MAOA: variants seen among roughly 807,000 people sequenced by gnomAD.
The protein encoded by MAOA is monoamine oxidase A.
In MAOA, 6 loss-of-function variants were observed where a neutral mutation model predicts 42.0. The observed-to-expected ratio is 0.14, with a 90% CI of 0.08 to 0.28. The LOEUF is 0.28. Ranked by LOEUF, MAOA falls within the 10% of genes least tolerant of loss-of-function variation. MAOA has a pLI of 1.00. For missense variants in MAOA, 262 were observed against 422.3 expected (o/e 0.62, Z 3.33); for synonymous variants, 140 against 154.0 (o/e 0.91, Z 0.67).
intron 1 of MAOA, among the ~76,000 whole-genome samples, chrX:43,672,930 A>T (rs1224077458): frequency 9.0e-6 from 1 of 111,306 alleles, no homozygotes; most frequent in Non-Finnish European, 1.9e-5. Flanking sequence ...CCCGGCTTTG[A>T]TATCAGGATG....
intron 2 of MAOA, among the ~76,000 whole-genome samples, chrX:43,686,655 C>T (rs1474482122): frequency 2.7e-5 from 3 of 110,766 alleles, no homozygotes; most frequent in Non-Finnish European, 5.7e-5. Context: ...AAAAAGTAGC[C>T]AGGTGCAGTG....
chrX:43,694,003 T>C (rs909033399), intron 3 of MAOA, among the ~76,000 whole-genome samples: 3 of 111,918 alleles, frequency 2.7e-5, no homozygotes, highest in Non-Finnish European at 5.6e-5. Context: ...AGCTTGTTTG[T>C]GCAGTTTCCT....
At chrX:43,658,471 C>T (rs2033205474) in intron 1 of MAOA, among the ~76,000 whole-genome samples, 1 of 111,867 alleles carries the variant, frequency 8.9e-6, no homozygotes, top group South Asian at 3.7e-4. Context: ...CAGTTTCATA[C>T]TCAGTCCTGT....
intron 1 of MAOA, among the ~76,000 whole-genome samples, chrX:43,658,801 G>A (rs775492316): frequency 8.9e-6 from 1 of 111,930 alleles, no homozygotes; most frequent in Admixed American, 9.5e-5. Flanking sequence ...TAAAATGAAA[G>A]TAGTTGCAAG....
At chrX:43,667,124 G>A (rs190121867) in intron 1 of MAOA, among the ~76,000 whole-genome samples, 409 of 110,164 alleles carry the variant, frequency 3.7e-3, no homozygotes, top group Middle Eastern at 4.8e-3. Context: ...ATGTACCCTA[G>A]AACTTAAAGT....
At chrX:43,701,659 A>T (rs1346241261) in intron 3 of MAOA, among the ~76,000 whole-genome samples, 1 of 111,974 alleles carries the variant, frequency 8.9e-6, no homozygotes, top group African/African-American at 3.2e-5. Flanking sequence ...AAAGGGGGTT[A>T]AGTCAGACAC....
Position 43,744,940 on chromosome X carries a change from C to A in MAOA, c.*427C>A, listed in dbSNP as rs2033988438. On this transcript the variant is annotated 3_prime_UTR_variant, in exon 15 of 15. Coordinates refer to ENST00000338702, the MANE Select transcript of MAOA (RefSeq NM_000240.4). ...AGCCTGTAACTGTCCTTTTTCTTCC[C>A]TTAGGCAATGGTGAACTGTCATTAC... 2 of 211,474 alleles carry A rather than the reference C, an allele frequency of 9.5e-6. No homozygotes were observed. Among genetic ancestry groups the A allele is most frequent in the South Asian group, 1.4e-4 (2 of 14,549 alleles). The allele number at this position is 211,474 out of a possible 1,213,427, so 17.4% of individuals were successfully genotyped here. A position where few individuals can be genotyped will look rare whatever the true frequency, so the allele number is the denominator to read the frequency against.
intron 11 of MAOA, 39 bp downstream of exon 11, chrX:43,740,777 TC>T (rs1250408034): frequency 8.9e-7 from 1 of 1,122,824 alleles, no homozygotes; most frequent in Non-Finnish European, 1.2e-6. Flanking sequence ...CAGGTTCTTC[TC>T]TGTTCACTAT....
At chrX:43,695,633 G>A (rs2033572676) in intron 3 of MAOA, among the ~76,000 whole-genome samples, 1 of 111,901 alleles carries the variant, frequency 8.9e-6, no homozygotes, top group African/African-American at 3.3e-5. Flanking sequence ...TTGGGAGGCT[G>A]AGGCAAGAGG....
At chrX:43,738,437 C>CA (rs1159661872) in intron 10 of MAOA, among the ~76,000 whole-genome samples, 1 of 111,992 alleles carries the variant, frequency 8.9e-6, no homozygotes, top group Non-Finnish European at 1.9e-5. Flanking sequence ...TTGTTTTTAA[C>CA]ATTCATGAAT....
chrX:43,724,336 A>G (rs1314983305), intron 5 of MAOA, among the ~76,000 whole-genome samples: 9 of 111,367 alleles, frequency 8.1e-5, no homozygotes, highest in Non-Finnish European at 1.5e-4. Flanking sequence ...GTAGGCTATT[A>G]ATTACTGCCT....
intron 1 of MAOA, among the ~76,000 whole-genome samples, chrX:43,676,540 T>C (rs923850592): frequency 1.8e-5 from 2 of 111,661 alleles, no homozygotes; most frequent in African/African-American, 6.5e-5. Flanking sequence ...TCTGCATCGC[T>C]CATGCTGGGA....
At chrX:43,689,656 AATTTT>A (rs2033517357) in intron 2 of MAOA, among the ~76,000 whole-genome samples, 1 of 111,911 alleles carries the variant, frequency 8.9e-6, no homozygotes, top group African/African-American at 3.2e-5. Flanking sequence ...AGACATTATT[AATTTT>A]ATTTTATTCT....
intron 10 of MAOA, among the ~76,000 whole-genome samples, chrX:43,739,769 G>A (rs2147106545): frequency 8.9e-6 from 1 of 111,992 alleles, no homozygotes; most frequent in South Asian, 3.7e-4. Context: ...ATTTTCAAAT[G>A]TTTAAACTAT....
At chrX:43,693,475 T>G (rs2033552649) in intron 3 of MAOA, 47 bp downstream of exon 3, 2 of 1,176,834 alleles carry the variant, frequency 1.7e-6, no homozygotes, top group African/African-American at 3.5e-5. Flanking sequence ...AGCATTTTAT[T>G]TGAGAAAACA....
At position 43,708,673 on chromosome X, in the gene MAOA, T is replaced by C. The variant is rs780697703; in HGVS notation, c.307-3199T>C. On this transcript the variant is annotated intron_variant, in intron 3 of 14. Transcript: ENST00000338702. Reference sequence around the variant, plus strand: ...ATGGTCTTCTTGTTGTTTTTTTTTTTTTTTCTTTTGAGACAGTCTCGCACT... The same window carrying C: ...ATGGTCTTCTTGTTGTTTTTTTTTTCTTTTCTTTTGAGACAGTCTCGCACT... Among the ~76,000 whole-genome samples the C allele has an allele frequency of 1.1e-4, 12 of 107,863 alleles. No homozygotes were observed. In the East Asian group the frequency reaches 3.5e-3, roughly 31 times the overall value. 93.7% of individuals were successfully genotyped at this position (107,863 alleles called of 115,157 possible). A position where few individuals can be genotyped will look rare whatever the true frequency, so the allele number is the denominator to read the frequency against.
chrX:43,715,215 A>G (rs1172175910), intron 5 of MAOA, among the ~76,000 whole-genome samples: 1 of 109,842 alleles, frequency 9.1e-6, no homozygotes, highest in Non-Finnish European at 1.9e-5. Flanking sequence ...TCTTCCAGGA[A>G]TGAGCTACAC....
chrX:43,698,774 TG>T (rs1467528639), intron 3 of MAOA, among the ~76,000 whole-genome samples: 5 of 112,391 alleles, frequency 4.4e-5, no homozygotes, highest in Non-Finnish European at 9.4e-5. Flanking sequence ...AATAGGTTCC[TG>T]ACTGGTTTCT....
At chrX:43,670,401 TGA>T (rs2033319355) in intron 1 of MAOA, among the ~76,000 whole-genome samples, 2 of 111,421 alleles carry the variant, frequency 1.8e-5, no homozygotes, top group African/African-American at 3.3e-5. Context: ...ATTGAATTTG[TGA>T]GTGTTTTTCA....
Sources: allele counts gnomAD v4.1 joint callset (sites outside exome capture counted in the v4.1 genomes callset), GRCh38; gene constraint gnomAD v4.1.1; transcripts MANE v1.5; gene names NCBI Gene and HGNC (gene_info 2026-07-23, HGNC 2026-07-21).